The following STARD13 variants were observed in gnomAD, a reference collection of about 807,000 sequenced individuals.
STARD13 encodes stAR-related lipid transfer protein 13.
STARD13 carries 62 observed loss-of-function variants against 106.4 expected under a neutral mutation model. The observed-to-expected ratio is 0.58, with a 90% CI of 0.48 to 0.72. The LOEUF (loss-of-function observed/expected upper bound fraction) is 0.72. STARD13 is among the 30% of genes least tolerant of loss of function. The pLI, the probability that STARD13 is intolerant of heterozygous loss-of-function variation, is 0.00. For synonymous variants in STARD13, 565 were observed against 553.0 expected (o/e 1.02, Z -0.31); for missense variants, 1,387 against 1,424.0 (o/e 0.97, Z 0.42).
the STARD13 span, among the ~76,000 whole-genome samples, chr13:33,409,025 T>C: frequency 6.6e-6 from 1 of 151,722 alleles, no homozygotes; most frequent in African/African-American, 2.4e-5. Flanking sequence ...TTTTGCTTGA[T>C]ATTTCCATGA....
the STARD13 span, among the ~76,000 whole-genome samples, chr13:33,641,170 G>T: frequency 6.6e-6 from 1 of 152,156 alleles, no homozygotes; most frequent in Non-Finnish European, 1.5e-5. Flanking sequence ...CTGAGTATGG[G>T]GCAGGACTCT....
chr13:33,127,015 A>C (rs1041640770), intron 6 of STARD13, among the ~76,000 whole-genome samples: 1 of 152,256 alleles, frequency 6.6e-6, no homozygotes, highest in Non-Finnish European at 1.5e-5. Context: ...TAAGCTTTGC[A>C]TCAGGCCAGA....
At chr13:33,349,940 T>C (rs758442254) in intron 1 of STARD13, among the ~76,000 whole-genome samples, 34 of 152,332 alleles carry the variant, frequency 2.2e-4, no homozygotes, top group Admixed American at 5.9e-4. Context: ...TGGGCACTTA[T>C]TCACTGGGGT....
chr13:33,390,822 G>T, the STARD13 span, among the ~76,000 whole-genome samples: 1 of 152,102 alleles, frequency 6.6e-6, no homozygotes, highest in South Asian at 2.1e-4. Context: ...TGGGCCAGAA[G>T]GAGAACTACT....
chr13:33,455,390 G>A, the STARD13 span, among the ~76,000 whole-genome samples: 1 of 152,174 alleles, frequency 6.6e-6, no homozygotes, highest in Non-Finnish European at 1.5e-5. Context: ...CAGGGGAGGT[G>A]GGGCTAAGAC....
chr13:33,310,172 C>G (rs112248570), intron 1 of STARD13, among the ~76,000 whole-genome samples: 2 of 152,174 alleles, frequency 1.3e-5, no homozygotes, highest in South Asian at 4.1e-4. Flanking sequence ...TGGGAGACCA[C>G]GTTGCTGACA....
chr13:33,318,523 A>T (rs948932625), intron 1 of STARD13, among the ~76,000 whole-genome samples: 8 of 152,192 alleles, frequency 5.3e-5, no homozygotes, highest in Admixed American at 2.0e-4. Context: ...GTCATTTTTT[A>T]GAAATGACAT....
intron 1 of STARD13, chr13:33,276,617 A>C (rs1891450078): frequency 6.6e-6 from 1 of 152,198 alleles, no homozygotes; most frequent in African/African-American, 2.4e-5. Flanking sequence ...CTGTTCACTC[A>C]TAGAGATTGA....
the STARD13 span, among the ~76,000 whole-genome samples, chr13:33,358,565 G>A: frequency 1.9e-4 from 29 of 152,174 alleles, no homozygotes; most frequent in Admixed American, 3.9e-4. Context: ...GTATCTAGCT[G>A]CTCTGATGAG....
chr13:33,645,690 G>A, the STARD13 span, among the ~76,000 whole-genome samples: 92 of 152,310 alleles, frequency 6.0e-4, 2 homozygotes, highest in Non-Finnish European at 7.6e-4. Context: ...CATGTGAACA[G>A]CAGGTGTTGG....
At chr13:33,477,541 G>A in the STARD13 span, among the ~76,000 whole-genome samples, 1 of 152,294 alleles carries the variant, frequency 6.6e-6, no homozygotes, top group Admixed American at 6.5e-5. Context: ...CCCACTTATG[G>A]TCAAGAAGAC....
intron 4 of STARD13, among the ~76,000 whole-genome samples, chr13:33,135,212 A>C (rs567831304): frequency 6.6e-6 from 1 of 152,374 alleles, no homozygotes; most frequent in East Asian, 1.9e-4. Flanking sequence ...TGCTACTCAG[A>C]GTGTGGTCAG....
the STARD13 span, among the ~76,000 whole-genome samples, chr13:33,389,298 TA>T: frequency 6.6e-6 from 1 of 152,008 alleles, no homozygotes; most frequent in South Asian, 2.1e-4. Context: ...ACCCAGTACA[TA>T]AGGTATGTGA....
chr13:33,142,464 A>T, intron 3 of STARD13, 91 bp from the exon 4 acceptor site: 1 of 1,142,494 alleles, frequency 8.8e-7, no homozygotes, highest in Non-Finnish European at 1.3e-6. Flanking sequence ...AGTAAAGTTG[A>T]AACTGCAGGA....
At chr13:33,495,185 T>C in the STARD13 span, among the ~76,000 whole-genome samples, 1 of 152,256 alleles carries the variant, frequency 6.6e-6, no homozygotes, top group East Asian at 1.9e-4. Context: ...CAGAAACCAA[T>C]TTACTTCCCA....
In STARD13 at chr13:33,129,346, G is replaced by T. The variant is rs749453297; in HGVS notation, c.1331C>A (p.Pro444His). The T allele has an allele frequency of 1.9e-6, 3 of 1,614,026 alleles. No individual in the cohort carries two copies. The African/African-American group carries it at 4.0e-5, about 22-fold the overall frequency. ...TCTGTGGCAGGACGCCATGAGCCGG[G>T]GCTCCCTGGCACCAGGGACCTGCTC... is the stretch of plus-strand genomic sequence containing the variant. Reference protein sequence around the residue: ...GREQVPGAREPRLMASCHRAS... With the variant: ...GREQVPGAREHRLMASCHRAS... Residue 444 changes from proline to histidine, a missense_variant, in exon 5 of 14, where the codon CCC becomes CAC. Coordinates refer to ENST00000336934, the MANE Select transcript of STARD13 (RefSeq NM_178006.4).
chr13:33,147,300 C>T (rs1880678139), intron 3 of STARD13, among the ~76,000 whole-genome samples: 1 of 152,086 alleles, frequency 6.6e-6, no homozygotes, highest in African/African-American at 2.4e-5. Context: ...GTGTGTATAC[C>T]CAGGAAAGAC....
chr13:33,326,230 AC>A (rs1309465422), intron 1 of STARD13, among the ~76,000 whole-genome samples: 1 of 152,102 alleles, frequency 6.6e-6, no homozygotes, highest in Non-Finnish European at 1.5e-5. Flanking sequence ...CCTCTTCCCC[AC>A]CTGGCCTTCC....
the STARD13 span, among the ~76,000 whole-genome samples, chr13:33,557,990 C>T: frequency 5.9e-5 from 9 of 152,000 alleles, no homozygotes; most frequent in Non-Finnish European, 8.8e-5. Flanking sequence ...GAGTAAGCTG[C>T]CATATCATTT....
Sources: allele counts gnomAD v4.1 joint callset (sites outside exome capture counted in the v4.1 genomes callset), GRCh38; gene constraint gnomAD v4.1.1; transcripts MANE v1.5; gene names NCBI Gene and HGNC (gene_info 2026-07-23, HGNC 2026-07-21).